The following NCOA6 variants were observed in gnomAD, a reference collection of about 807,000 sequenced individuals.
NCOA6 encodes the protein NRC RAP250.
Under a neutral mutation model 171.4 loss-of-function variants are expected in NCOA6, and 49 were observed. The observed-to-expected ratio is 0.29, with a 90% confidence interval of 0.23 to 0.36. NCOA6 has a LOEUF of 0.36. Ranked by LOEUF, NCOA6 falls within the 10% of genes least tolerant of loss-of-function variation. The probability of loss-of-function intolerance (pLI) is 1.00; values close to 1 mark genes in which losing one functional copy is unlikely to be tolerated. For synonymous variants in NCOA6, 910 were observed against 927.5 expected (o/e 0.98, Z 0.34); for missense variants, 2,248 against 2,554.5 (o/e 0.88, Z 2.59).
At chr20:34,789,776 G>A (rs2077811235) in intron 2 of NCOA6, among the ~76,000 whole-genome samples, 1 of 152,100 alleles carries the variant, frequency 6.6e-6, no homozygotes, top group Non-Finnish European at 1.5e-5. Flanking sequence ...GAGCAACAGA[G>A]TGAGACTCTG....
intron 14 of NCOA6, among the ~76,000 whole-genome samples, chr20:34,726,243 G>A (rs931385357): frequency 6.6e-6 from 1 of 152,216 alleles, no homozygotes; most frequent in Admixed American, 6.5e-5. Context: ...CCTTAGACTT[G>A]AGGAAGGACA....
In NCOA6 at chr20:34,795,042, T is replaced by C. The variant is rs548761686; in HGVS notation, c.-163-2479A>G. Reference sequence around the variant, plus strand: ...GCAATTTACAGCCTTTTTAGAAGGGTTCATCCTCGGTAGAGCGGCAAAGCT... The same window carrying C: ...GCAATTTACAGCCTTTTTAGAAGGGCTCATCCTCGGTAGAGCGGCAAAGCT... On this transcript the variant is annotated intron_variant, in intron 1 of 14. Coordinates refer to ENST00000359003, the MANE Select transcript of NCOA6 (RefSeq NM_014071.5). Among the ~76,000 whole-genome samples, 6 of 152,104 alleles carry C rather than the reference T, an allele frequency of 3.9e-5. No individual in the cohort carries two copies. In the South Asian group the frequency reaches 1.2e-3, roughly 32 times the overall value.
rs777172496 is a variant in NCOA6 at position 34,741,043 on chromosome 20, G to T, written c.5213C>A (p.Ala1738Asp). 2.5e-6 allele frequency: 4 copies of T among 1,614,130 alleles called. No individual in the cohort carries two copies. Among genetic ancestry groups the T allele is most frequent in the Non-Finnish European group, 3.4e-6 (4 of 1,180,050 alleles). The change falls in exon 11 of 15, where the codon GCC (alanine) becomes GAC (aspartate). Residue 1738 changes from alanine (A) to aspartate (D), a missense_variant. Around this residue, in one of 7 missense-constraint regions of NCOA6, gnomAD observed 884 missense variants for 941.9 expected, o/e 0.94. Transcript: ENST00000359003. ...TGRPLVLSSR[A>D]TPVQLPSPPC... ...AGGGGAAGGAAGCTGAACAGGGGTG[G>T]CTCGTGAGCTAAGGACCAAAGGTCG...
intron 1 of NCOA6, among the ~76,000 whole-genome samples, chr20:34,807,382 A>G (rs2078488925): frequency 1.3e-5 from 2 of 152,226 alleles, no homozygotes; most frequent in Non-Finnish European, 2.9e-5. Flanking sequence ...CATCTAGGCT[A>G]TGCCGATTCC....
intron 14 of NCOA6, among the ~76,000 whole-genome samples, chr20:34,722,532 T>C (rs928769042): frequency 6.6e-6 from 1 of 151,228 alleles, no homozygotes; most frequent in Admixed American, 6.6e-5. Context: ...ATTAAAAAAT[T>C]AGCCAGGCAT....
intron 1 of NCOA6, among the ~76,000 whole-genome samples, chr20:34,798,256 G>A (rs114428197): frequency 0.041 from 6,216 of 152,216 alleles, 423 homozygotes; most frequent in African/African-American, 0.14. Context: ...ACGAAAAAAC[G>A]GGAAGGACTT....
rs1257114597 is a variant in NCOA6, at chr20:34,742,721, C to T, written c.3535G>A (p.Ala1179Thr). The T allele has an allele frequency of 6.2e-7, 1 of 1,614,114 alleles. No individual in the cohort carries two copies. Residue 1179 changes from alanine (A) to threonine (T), a missense_variant, in exon 11 of 15, where the codon GCA becomes ACA. This residue lies in a region of NCOA6 where 352 missense variants were observed against 419.1 expected (regional missense o/e 0.84). Coordinates refer to ENST00000359003, the MANE Select transcript of NCOA6 (RefSeq NM_014071.5). Reference protein sequence around the residue: ...GPSPLSATQGATPQQPPVNSL... With the variant: ...GPSPLSATQGTTPQQPPVNSL... ...TTTACAGGGGGTTGCTGGGGAGTTG[C>T]ACCTTGAGTTGCTGAAAGGGGCGAT...
Position 34,754,688 on chromosome 20 carries a change from T to C in NCOA6, c.1675+34A>G, listed in dbSNP as rs757901357. On this transcript the variant is annotated intron_variant, in intron 8 of 14. Coordinates refer to ENST00000359003, the MANE Select transcript of NCOA6 (RefSeq NM_014071.5). ...ATCAAGTCTACGACACAATGCTCAA[T>C]AAATGCTGGCTAAACAAATCACAGA... 21 of 1,613,682 alleles carry C rather than the reference T, an allele frequency of 1.3e-5. No homozygotes were observed. In the South Asian group the frequency reaches 2.3e-4, roughly 18 times the overall value.
chr20:34,780,207 G>A (rs559383554), intron 3 of NCOA6, among the ~76,000 whole-genome samples: 2 of 152,224 alleles, frequency 1.3e-5, no homozygotes, highest in South Asian at 4.1e-4. Flanking sequence ...ATTAACACTT[G>A]TAATATGCTT....
intron 5 of NCOA6, among the ~76,000 whole-genome samples, chr20:34,765,035 C>T (rs1350400974): frequency 4.0e-5 from 6 of 151,350 alleles, no homozygotes; most frequent in African/African-American, 1.5e-4. Context: ...GGTGAGACAT[C>T]GCTTGAATCC....
In NCOA6 at chr20:34,727,880, C is replaced by T. The variant is rs548802362; in HGVS notation, c.6000-473G>A. On this transcript the variant is annotated intron_variant, in intron 13 of 14. Coordinates refer to ENST00000359003, the MANE Select transcript of NCOA6 (RefSeq NM_014071.5). ...CTGGGACTACAGCCATGTGACACCA[C>T]GCCCTGCTAATTTTTGTCTTTTTAG... is the stretch of plus-strand genomic sequence containing the variant. Among the ~76,000 whole-genome samples the T allele has an allele frequency of 3.3e-5, 5 of 152,060 alleles. No homozygotes were observed. The South Asian group carries it at 8.3e-4, about 25-fold the overall frequency.
intron 12 of NCOA6, among the ~76,000 whole-genome samples, chr20:34,733,850 C>CAAAA (rs60649247): frequency 2.3e-5 from 1 of 44,382 alleles, no homozygotes; most frequent in Non-Finnish European, 3.7e-5. Flanking sequence ...GACTCTGTCC[C>CAAAA]AAAAAAAAAA....
chr20:34,785,060 G>C (rs892886464), intron 2 of NCOA6, among the ~76,000 whole-genome samples: 1 of 152,028 alleles, frequency 6.6e-6, no homozygotes, highest in East Asian at 1.9e-4. Context: ...CAGCCTAGGG[G>C]ACAAGAGCAA....
intron 4 of NCOA6, among the ~76,000 whole-genome samples, chr20:34,774,288 T>C (rs1389667882): frequency 6.6e-6 from 1 of 152,242 alleles, no homozygotes; most frequent in Non-Finnish European, 1.5e-5. Flanking sequence ...TTTTATCCAA[T>C]AGTTGTTCGA....
Position 34,746,826 on chromosome 20 carries a change from T to A in NCOA6, c.2895A>T (p.Glu965Asp), listed in dbSNP as rs763123782. The A allele has an allele frequency of 1.2e-6, 2 of 1,608,668 alleles. No individual in the cohort carries two copies. The highest frequency in any genetic ancestry group is 3.3e-5 in the Admixed American group (2 of 59,812). Residue 965 changes from glutamate (E) to aspartate (D), a missense_variant, in exon 10 of 15, where the codon GAA becomes GAT. Physicochemically the swap from Glu to Asp is conservative, Grantham distance 45. Transcript: ENST00000359003. ...NLDNSGPKLP[E>D]FSNRPPGYPS... ...TATCACCTGGTGGCCGGTTTGAAAA[T>A]TCTGGCAGTTTAGGGCCTGAGTTAT...
rs550889075 is a variant in NCOA6, at chr20:34,776,306, G to A, written c.378C>T (p.Ser126=). Residue 126 remains serine (S), a synonymous_variant, in exon 4 of 15, where the codon TCC becomes TCT. Coordinates refer to ENST00000359003, the MANE Select transcript of NCOA6 (RefSeq NM_014071.5). ...NQQLRDLGIL[S]VQIEGEGAIN... is the part of the protein sequence containing the mutation. The stretch of plus-strand genomic sequence containing the variant: ...AAAGTAAAAGACCTTCAATCTGAAC[G>A]GAGAGAATCCCTAAATCCCGAAGCT... 8.0e-5 allele frequency: 129 copies of A among 1,613,852 alleles called. No homozygotes were observed. The African/African-American group carries it at 1.3e-3, about 16-fold the overall frequency.
chr20:34,811,201 G>GTATATATA (rs10700283), intron 1 of NCOA6, among the ~76,000 whole-genome samples: 1,844 of 53,694 alleles, frequency 0.034, 135 homozygotes, highest in Non-Finnish European at 0.04. Flanking sequence ...ACAACAACGT[G>GTATATATA]TATATATATA....
At chr20:34,775,575 C>T (rs1270323591) in intron 4 of NCOA6, among the ~76,000 whole-genome samples, 3 of 149,036 alleles carry the variant, frequency 2.0e-5, no homozygotes, top group Non-Finnish European at 3.0e-5. Flanking sequence ...ATACCAGCTA[C>T]TCAGGAGGCT....
At chr20:34,778,329 G>T (rs756290651) in intron 3 of NCOA6, among the ~76,000 whole-genome samples, 1 of 152,168 alleles carries the variant, frequency 6.6e-6, no homozygotes, top group East Asian at 1.9e-4. Context: ...CAAGGAAGTA[G>T]AGTAGTCCAA....
Sources: allele counts gnomAD v4.1 joint callset (sites outside exome capture counted in the v4.1 genomes callset), GRCh38; gene constraint gnomAD v4.1.1; regional missense constraint gnomAD v4.1.1; transcripts MANE v1.5; gene names NCBI Gene and HGNC (gene_info 2026-07-23, HGNC 2026-07-21).